Variants in BMPR1B observed in about 807,000 individuals in gnomAD.
The protein encoded by BMPR1B is bone morphogenetic protein receptor type-1B.
Under a neutral mutation model 59.1 loss-of-function variants are expected in BMPR1B, and 12 were observed. That is an observed-to-expected ratio of 0.20 (90% CI 0.13 to 0.33). The LOEUF (loss-of-function observed/expected upper bound fraction) is 0.33, where lower values mean the gene tolerates loss of function less well. BMPR1B is among the 10% of genes least tolerant of loss of function. The probability of loss-of-function intolerance (pLI) is 1.00; values close to 1 mark genes in which losing one functional copy is unlikely to be tolerated. For synonymous variants in BMPR1B, 237 were observed against 207.3 expected (o/e 1.14, Z -1.23); for missense variants, 550 against 610.9 (o/e 0.90, Z 1.05).
intron 1 of BMPR1B, among the ~76,000 whole-genome samples, chr4:94,797,368 A>G (rs909380586): frequency 2.3e-4 from 35 of 152,184 alleles, no homozygotes; most frequent in African/African-American, 8.4e-4. Context: ...TCAAATAATT[A>G]TTTCTTTATT....
At chr4:94,971,671 A>G (rs889595970) in intron 2 of BMPR1B, among the ~76,000 whole-genome samples, 2 of 151,940 alleles carry the variant, frequency 1.3e-5, no homozygotes, top group Non-Finnish European at 2.9e-5. Flanking sequence ...TTTTTAAAAT[A>G]AAATATGAGC....
chr4:94,785,540 A>T (rs1722731799), intron 1 of BMPR1B, among the ~76,000 whole-genome samples: 1 of 152,168 alleles, frequency 6.6e-6, no homozygotes, highest in South Asian at 2.1e-4. Context: ...GGCATGGATA[A>T]CTGTAAGGAT....
chr4:94,792,314 G>A (rs974453006), intron 1 of BMPR1B, among the ~76,000 whole-genome samples: 1 of 152,082 alleles, frequency 6.6e-6, no homozygotes, highest in Non-Finnish European at 1.5e-5. Flanking sequence ...CCTTCTCTAA[G>A]TGTTCTCAGG....
chr4:94,915,946 C>T (rs57249444), intron 2 of BMPR1B, among the ~76,000 whole-genome samples: 4,169 of 152,192 alleles, frequency 0.027, 172 homozygotes, highest in African/African-American at 0.095. Context: ...AAGTGTGTGG[C>T]ACCTCCTTTC....
At chr4:95,078,814 G>T (rs758479267) in intron 3 of BMPR1B, among the ~76,000 whole-genome samples, 1 of 152,158 alleles carries the variant, frequency 6.6e-6, no homozygotes, top group South Asian at 2.1e-4. Context: ...CTGGAGTGCA[G>T]TGGCACAATC....
At chr4:95,136,676 A>G (rs190133313) in intron 10 of BMPR1B, among the ~76,000 whole-genome samples, 233 of 151,440 alleles carry the variant, frequency 1.5e-3, no homozygotes, top group African/African-American at 5.1e-3. Flanking sequence ...CATTTCTTCT[A>G]TTTTCTAGTT....
chr4:95,129,453 A>T (rs2149298865), intron 8 of BMPR1B, among the ~76,000 whole-genome samples: 1 of 151,952 alleles, frequency 6.6e-6, no homozygotes, highest in South Asian at 2.1e-4. Context: ...TGTGCCTAAC[A>T]ATGCATTACA....
At chr4:94,913,174 G>T (rs1259607451) in intron 2 of BMPR1B, among the ~76,000 whole-genome samples, 2 of 152,098 alleles carry the variant, frequency 1.3e-5, no homozygotes, top group Non-Finnish European at 2.9e-5. Context: ...TAATTTTCAA[G>T]TGGGCAACAT....
At chr4:94,876,270 A>T (rs1234996141) in intron 2 of BMPR1B, among the ~76,000 whole-genome samples, 1 of 152,240 alleles carries the variant, frequency 6.6e-6, no homozygotes, top group Non-Finnish European at 1.5e-5. Flanking sequence ...AAACTAGATT[A>T]CAACATTATG....
intron 2 of BMPR1B, among the ~76,000 whole-genome samples, chr4:94,943,659 G>T (rs1252600555): frequency 6.6e-6 from 1 of 152,152 alleles, no homozygotes; most frequent in Non-Finnish European, 1.5e-5. Flanking sequence ...AAATATTATT[G>T]TAGGAAAGTG....
chr4:95,084,481 C>T (rs1001637500), intron 3 of BMPR1B, among the ~76,000 whole-genome samples: 4 of 151,972 alleles, frequency 2.6e-5, no homozygotes, highest in Non-Finnish European at 4.4e-5. Context: ...GTTAGATGCC[C>T]TTTTCTCAAA....
At chr4:94,934,866 A>G (rs1729230595) in intron 2 of BMPR1B, among the ~76,000 whole-genome samples, 1 of 152,032 alleles carries the variant, frequency 6.6e-6, no homozygotes, top group Non-Finnish European at 1.5e-5. Flanking sequence ...AGTAGTACCA[A>G]ATGAAACTTT....
intron 2 of BMPR1B, among the ~76,000 whole-genome samples, chr4:94,894,079 G>T (rs1332138687): frequency 6.6e-6 from 1 of 151,970 alleles, no homozygotes; most frequent in African/African-American, 2.4e-5. Context: ...CATAAGCAGG[G>T]CACTGCTAAT....
intron 2 of BMPR1B, among the ~76,000 whole-genome samples, chr4:94,982,820 TA>T (rs1205172126): frequency 1.3e-5 from 2 of 151,708 alleles, no homozygotes; most frequent in Non-Finnish European, 2.9e-5. Flanking sequence ...CCGTCTCTAC[TA>T]AAAAATACAA....
At chr4:95,093,491 A>G (rs959292892) in intron 3 of BMPR1B, among the ~76,000 whole-genome samples, 1 of 151,890 alleles carries the variant, frequency 6.6e-6, no homozygotes, top group Admixed American at 6.6e-5. Flanking sequence ...ATGAATATAA[A>G]TGTTTGTGTT....
intron 3 of BMPR1B, among the ~76,000 whole-genome samples, chr4:95,066,714 A>G (rs1367361341): frequency 1.3e-5 from 2 of 152,208 alleles, no homozygotes; most frequent in African/African-American, 4.8e-5. Flanking sequence ...GGAACCTGGT[A>G]TAAAAGCAAA....
rs1488741325 is a variant in BMPR1B, at chr4:95,069,857, T to TGG, written c.-17-34549_-17-34548dup. Among the ~76,000 whole-genome samples, 5 of 152,284 alleles carry TGG rather than the reference T, an allele frequency of 3.3e-5. No individual in the cohort carries two copies. In the East Asian group the frequency reaches 9.7e-4, roughly 29 times the overall value. On this transcript the variant is annotated intron_variant, in intron 3 of 12. Transcript: ENST00000515059. ...GCTCACGCCTGTAATCCCAACACTT[T>TGG]GGGAGGCCAAGGTGGGTGGATCACC...
chr4:94,992,374 A>G (rs941239261), intron 2 of BMPR1B, among the ~76,000 whole-genome samples: 6 of 152,226 alleles, frequency 3.9e-5, no homozygotes, highest in African/African-American at 9.6e-5. Flanking sequence ...GCATGGGCCT[A>G]TACATCTTCA....
At chr4:94,818,469 TTTAGCTC>T (rs1724090093) in intron 1 of BMPR1B, among the ~76,000 whole-genome samples, 2 of 152,168 alleles carry the variant, frequency 1.3e-5, no homozygotes, top group African/African-American at 2.4e-5. Context: ...CTGGTATAGT[TTTAGCTC>T]TTAGATTCTA....
Sources: allele counts gnomAD v4.1 joint callset (sites outside exome capture counted in the v4.1 genomes callset), GRCh38; gene constraint gnomAD v4.1.1; transcripts MANE v1.5; gene names NCBI Gene and HGNC (gene_info 2026-07-23, HGNC 2026-07-21).